ADK: variants seen among roughly 807,000 people sequenced by gnomAD.
ADK encodes the protein adenosine kinase.
Under a neutral mutation model 44.7 loss-of-function variants are expected in ADK, and 24 were observed. The ratio of observed to expected loss-of-function variants is 0.54; its 90% confidence interval spans 0.39 to 0.76. ADK has a LOEUF of 0.76. Ranked by LOEUF, ADK falls within the 30% of genes least tolerant of loss-of-function variation. ADK has a pLI of 0.00. For missense variants in ADK, 321 were observed against 425.1 expected, an observed-to-expected ratio of 0.76 and a Z score of 2.15; for synonymous variants, 128 against 142.6, an observed-to-expected ratio of 0.90 and a Z score of 0.73.
At chr10:74,358,679 A>G (rs567492975) in intron 4 of ADK, among the ~76,000 whole-genome samples, 1 of 152,364 alleles carries the variant, frequency 6.6e-6, no homozygotes, top group African/African-American at 2.4e-5. Context: ...GCCACAAGGG[A>G]AAGACAAAGG....
At chr10:74,312,914 C>CAAAAAAAAAAAAAAAAAAAAAAAAA (rs56052959) in intron 3 of ADK, among the ~76,000 whole-genome samples, 1 of 37,820 alleles carries the variant, frequency 2.6e-5, no homozygotes, top group African/African-American at 9.8e-5. Context: ...ATTCTGTCTC[C>CAAAAAAAAAAAAAAAAAAAAAAAAA]AAAAAAAAAA....
At chr10:74,264,570 C>T (rs944776627) in intron 3 of ADK, among the ~76,000 whole-genome samples, 3 of 152,002 alleles carry the variant, frequency 2.0e-5, no homozygotes, top group Admixed American at 6.6e-5. Flanking sequence ...ATATCTGTGC[C>T]TAGTATGTGA....
chr10:74,638,158 A>G (rs1041453552), intron 9 of ADK, among the ~76,000 whole-genome samples: 5 of 152,148 alleles, frequency 3.3e-5, no homozygotes, highest in African/African-American at 1.2e-4. Flanking sequence ...TCCTGATGTA[A>G]TACACTTTAT....
intron 6 of ADK, among the ~76,000 whole-genome samples, chr10:74,474,866 G>T (rs1846763412): frequency 6.6e-6 from 1 of 152,102 alleles, no homozygotes; most frequent in South Asian, 2.1e-4. Flanking sequence ...GGAGGCTCAC[G>T]CCTGTAATCC....
intron 9 of ADK, among the ~76,000 whole-genome samples, chr10:74,636,024 G>T (rs1201020898): frequency 2.6e-5 from 4 of 151,844 alleles, no homozygotes; most frequent in Admixed American, 6.6e-5. Flanking sequence ...GGAGTTCAAG[G>T]CAGCAACAGT....
chr10:74,491,369 A>G (rs1847476698), intron 6 of ADK, among the ~76,000 whole-genome samples: 1 of 152,202 alleles, frequency 6.6e-6, no homozygotes, highest in Non-Finnish European at 1.5e-5. Context: ...CAGCCTCTCA[A>G]GCAGCTGGGA....
Position 74,348,058 on chromosome 10 carries a change from T to C in ADK, c.273+33313T>C, listed in dbSNP as rs180710544. On this transcript the variant is annotated intron_variant, in intron 4 of 10. Coordinates refer to ENST00000539909, the MANE Select transcript of ADK (RefSeq NM_006721.4). ...CAGCTGATACTGACAAGGAGGATTCTCCCAGAACAGTGCTTGAGCTCTGCT... is the reference window on the plus strand; with the variant it reads ...CAGCTGATACTGACAAGGAGGATTCCCCCAGAACAGTGCTTGAGCTCTGCT... Among the ~76,000 whole-genome samples, 5 of 152,266 alleles carry C rather than the reference T, an allele frequency of 3.3e-5. No homozygotes were observed. In the East Asian group the frequency reaches 9.7e-4, roughly 29 times the overall value.
At chr10:74,332,432 A>T (rs1029767741) in intron 4 of ADK, among the ~76,000 whole-genome samples, 2 of 152,230 alleles carry the variant, frequency 1.3e-5, no homozygotes, top group African/African-American at 4.8e-5. Context: ...ATTTAGAGAA[A>T]GCTTCCAGAT....
At chr10:74,197,379 TAA>T (rs1404019970) in intron 1 of ADK, among the ~76,000 whole-genome samples, 1 of 152,128 alleles carries the variant, frequency 6.6e-6, no homozygotes, top group Non-Finnish European at 1.5e-5. Flanking sequence ...ATGGCTTGCT[TAA>T]GTCTCCCAGC....
At chr10:74,494,211 A>G (rs1360279110) in intron 6 of ADK, among the ~76,000 whole-genome samples, 1 of 152,050 alleles carries the variant, frequency 6.6e-6, no homozygotes, top group Admixed American at 6.6e-5. Context: ...CCTTTTAGCT[A>G]TTTCTTCTTT....
At chr10:74,258,608 T>C (rs934959166) in intron 3 of ADK, among the ~76,000 whole-genome samples, 8 of 152,278 alleles carry the variant, frequency 5.3e-5, no homozygotes, top group Admixed American at 2.0e-4. Flanking sequence ...ACAACAGATT[T>C]AGAAGTAATC....
rs72820503 is a variant in ADK, at chr10:74,507,887, A to G, written c.556-17369A>G. Among the ~76,000 whole-genome samples, 442 of 152,300 alleles carry G rather than the reference A, an allele frequency of 2.9e-3. 1 individual carries two copies. The highest frequency in any genetic ancestry group is 5.2e-3 in the Non-Finnish European group (354 of 68,026). On this transcript the variant is annotated intron_variant, in intron 6 of 10. Transcript: ENST00000539909. ...TGGGCATTCAAAGAAGAATGTGTAC[A>G]TCTGTTAGTGGGAATGAAGAAAGAA...
chr10:74,434,512 C>G (rs1018319356), intron 6 of ADK, among the ~76,000 whole-genome samples: 2 of 152,142 alleles, frequency 1.3e-5, no homozygotes, highest in Non-Finnish European at 2.9e-5. Flanking sequence ...AATGAATATT[C>G]CAGTAAGCTG....
At chr10:74,274,732 G>GTATATATATATATATATATATATA (rs754929114) in intron 3 of ADK, among the ~76,000 whole-genome samples, 1,808 of 83,602 alleles carry the variant, frequency 0.022, 113 homozygotes, top group East Asian at 0.031. Context: ...TTTAATGTGT[G>GTATATATATATATATATATATATA]TATATATATA....
rs1454907609 is a variant in ADK, at chr10:74,557,685, A to C, written c.727-31597A>C. Among the ~76,000 whole-genome samples the C allele has an allele frequency of 2.0e-5, 3 of 152,216 alleles. No individual in the cohort carries two copies. In the East Asian group the frequency reaches 5.8e-4, roughly 29 times the overall value. On this transcript the variant is annotated intron_variant, in intron 7 of 10. Transcript: ENST00000539909. Reference sequence around the variant, plus strand: ...CAAGGAAGATGGGCAGCTCATGCTTAAGACCCAACCTCCCTGCTGGCTTAC... The same window carrying C: ...CAAGGAAGATGGGCAGCTCATGCTTCAGACCCAACCTCCCTGCTGGCTTAC...
intron 6 of ADK, among the ~76,000 whole-genome samples, chr10:74,416,236 G>T (rs930180511): frequency 5.3e-5 from 8 of 151,884 alleles, no homozygotes; most frequent in Admixed American, 2.6e-4. Context: ...TTAGCAGGAA[G>T]GCAAGTTCTT....
intron 3 of ADK, among the ~76,000 whole-genome samples, chr10:74,293,330 G>A (rs1171836109): frequency 2.6e-4 from 39 of 152,010 alleles, no homozygotes; most frequent in Non-Finnish European, 1.6e-4. Context: ...TACAAATTAT[G>A]TTAACAGCAA....
At chr10:74,657,863 G>A (rs771089538) in intron 9 of ADK, among the ~76,000 whole-genome samples, 4 of 152,126 alleles carry the variant, frequency 2.6e-5, no homozygotes, top group African/African-American at 7.2e-5. Flanking sequence ...ATAAGTGATG[G>A]CATAAAAGAG....
At chr10:74,303,585 GTT>G (rs1403100861) in intron 3 of ADK, among the ~76,000 whole-genome samples, 1 of 64,676 alleles carries the variant, frequency 1.5e-5, no homozygotes, top group Non-Finnish European at 2.5e-5. Flanking sequence ...TGGTTTTAAT[GTT>G]GTTTTTTTTT....
Sources: allele counts gnomAD v4.1 joint callset (sites outside exome capture counted in the v4.1 genomes callset), GRCh38; gene constraint gnomAD v4.1.1; transcripts MANE v1.5; gene names NCBI Gene and HGNC (gene_info 2026-07-23, HGNC 2026-07-21).